HTR4: variants seen among roughly 807,000 people sequenced by gnomAD.
HTR4 encodes the protein 5-hydroxytryptamine receptor 4, also known as 5-hydroxytryptamine (serotonin) receptor 4, G protein-coupled.
A neutral mutation model predicts 36.8 loss-of-function variants in HTR4; 16 were observed. That is an observed-to-expected ratio of 0.43 (90% CI 0.29 to 0.66). The LOEUF (loss-of-function observed/expected upper bound fraction) is 0.66. Among genes scored for constraint, HTR4 ranks in the 30% least tolerant of loss-of-function variants. HTR4 has a pLI of 0.13. For missense variants in HTR4, 438 were observed against 490.9 expected, an observed-to-expected ratio of 0.89 and a Z score of 1.02; for synonymous variants, 189 against 185.1, an observed-to-expected ratio of 1.02 and a Z score of -0.17.
At chr5:148,602,107 T>C (rs1762017142) in intron 2 of HTR4, among the ~76,000 whole-genome samples, 1 of 152,156 alleles carries the variant, frequency 6.6e-6, no homozygotes, top group Non-Finnish European at 1.5e-5. Flanking sequence ...TAAAATTTGC[T>C]AAGAGAGTAG....
Position 148,482,563 on chromosome 5 carries a change from T to C in HTR4, c.*640A>G, listed in dbSNP as rs1472853111. ...CATGTCCTGAAGAGGAGGACAGACA[T>C]TGGACATAAGGAAGAGCAAGTGGAC... On this transcript the variant is annotated 3_prime_UTR_variant, in exon 7 of 7. Coordinates refer to ENST00000377888, the MANE Select transcript of HTR4 (RefSeq NM_000870.7). 31 of 985,990 alleles carry C rather than the reference T, an allele frequency of 3.1e-5. No individual in the cohort carries two copies. The highest frequency in any genetic ancestry group is 3.4e-5 in the Non-Finnish European group (28 of 830,482). The allele number at this position is 985,990 out of a possible 1,614,324, so 61.1% of individuals were successfully genotyped here.
chr5:148,633,098 G>C (rs1247338338), intron 2 of HTR4, among the ~76,000 whole-genome samples: 1 of 152,068 alleles, frequency 6.6e-6, no homozygotes, highest in Non-Finnish European at 1.5e-5. Context: ...AGATTGTCTG[G>C]AAAGAGCTGC....
intron 5 of HTR4, among the ~76,000 whole-genome samples, chr5:148,518,606 C>T (rs1204059944): frequency 6.6e-6 from 1 of 151,970 alleles, no homozygotes; most frequent in Non-Finnish European, 1.5e-5. Context: ...AATGTCATTC[C>T]TCTCACCCAA....
chr5:148,568,045 T>C (rs1215232942), intron 2 of HTR4, among the ~76,000 whole-genome samples: 1 of 152,196 alleles, frequency 6.6e-6, no homozygotes, highest in African/African-American at 2.4e-5. Context: ...TACTACAACA[T>C]GTGATTATTT....
At chr5:148,591,052 G>A (rs1320277358) in intron 2 of HTR4, among the ~76,000 whole-genome samples, 3 of 152,170 alleles carry the variant, frequency 2.0e-5, no homozygotes, top group Admixed American at 6.5e-5. Flanking sequence ...CGTATGGCTA[G>A]CCAGTTATTC....
downstream of HTR4, among the ~76,000 whole-genome samples, chr5:148,474,195 T>C (rs1414636879): frequency 6.6e-6 from 1 of 152,176 alleles, no homozygotes; most frequent in Non-Finnish European, 1.5e-5. Flanking sequence ...GCCTTTTCAC[T>C]TGAAGTTACA....
At chr5:148,497,998 T>C (rs1756762321) in intron 6 of HTR4, among the ~76,000 whole-genome samples, 1 of 152,242 alleles carries the variant, frequency 6.6e-6, no homozygotes, top group Non-Finnish European at 1.5e-5. Flanking sequence ...AAGACACTTC[T>C]TGTCCAACAG....
At chr5:148,452,639 C>A (rs1289365344) in intron 5 of HTR4, among the ~76,000 whole-genome samples, 1 of 152,132 alleles carries the variant, frequency 6.6e-6, no homozygotes, top group African/African-American at 2.4e-5. Flanking sequence ...TGGCTAGAAG[C>A]AGGTGTTGAT....
At chr5:148,529,642 T>C (rs1159260244) in intron 4 of HTR4, among the ~76,000 whole-genome samples, 2 of 152,152 alleles carry the variant, frequency 1.3e-5, no homozygotes, top group Admixed American at 1.3e-4. Flanking sequence ...AGTAAATTGG[T>C]ACCAGGAGTG....
chr5:148,594,351 C>CGT (rs59165561), intron 2 of HTR4, among the ~76,000 whole-genome samples: 7,364 of 148,592 alleles, frequency 0.05, 349 homozygotes, highest in East Asian at 0.15. Flanking sequence ...TTCTGGGTTT[C>CGT]GTGTGTGTGT....
At chr5:148,551,497 TG>T (rs1475737532) in intron 2 of HTR4, among the ~76,000 whole-genome samples, 1 of 152,254 alleles carries the variant, frequency 6.6e-6, no homozygotes, top group Non-Finnish European at 1.5e-5. Flanking sequence ...CTCAGCATTT[TG>T]TTTTATTAAC....
At chr5:148,515,966 G>A (rs1247747888) in intron 5 of HTR4, among the ~76,000 whole-genome samples, 1 of 147,264 alleles carries the variant, frequency 6.8e-6, no homozygotes, top group African/African-American at 2.5e-5. Context: ...GAACTTTTTT[G>A]TATTATATAT....
At chr5:148,526,617 C>A (rs902402433) in intron 4 of HTR4, among the ~76,000 whole-genome samples, 4 of 152,142 alleles carry the variant, frequency 2.6e-5, no homozygotes, top group South Asian at 4.2e-4. Flanking sequence ...AGGTATGGAA[C>A]CTACCTAAGC....
chr5:148,626,393 A>C (rs1195163640), intron 2 of HTR4, among the ~76,000 whole-genome samples: 1 of 152,230 alleles, frequency 6.6e-6, no homozygotes, highest in Non-Finnish European at 1.5e-5. Context: ...ACACTAACTC[A>C]ATGCACTATT....
chr5:148,490,818 A>T, intron 6 of HTR4: 6 of 731,438 alleles, frequency 8.2e-6, no homozygotes, highest in Non-Finnish European at 1.3e-5. Context: ...TATGCAGAAG[A>T]AGTCGAATTC....
At chr5:148,636,885 T>C (rs1753559870) in intron 2 of HTR4, 104 bp downstream of exon 2, 1 of 693,686 alleles carries the variant, frequency 1.4e-6, no homozygotes. Flanking sequence ...TCAAAGAAAA[T>C]CCACATCCAT....
chr5:148,539,531 T>C (rs1268031054), intron 4 of HTR4, among the ~76,000 whole-genome samples: 1 of 151,644 alleles, frequency 6.6e-6, no homozygotes, highest in Admixed American at 6.6e-5. Flanking sequence ...AATAAAAAAG[T>C]CAAACAACCC....
chr5:148,509,186 A>T, intron 6 of HTR4: 1 of 372,242 alleles, frequency 2.7e-6, no homozygotes, highest in Non-Finnish European at 4.8e-6. Context: ...TTAAGTTTTT[A>T]AAAAATGAAA....
chr5:148,506,866 A>G lies in HTR4; in HGVS notation c.1076+2590T>C, dbSNP rs1417665394. On this transcript the variant is annotated intron_variant, in intron 6 of 6. Coordinates refer to ENST00000377888, the MANE Select transcript of HTR4 (RefSeq NM_000870.7). ...TTAGAATGGCAATCATTAAAAAGTC[A>G]GGAAACAACAGGTGCTGGAGAGGAT... Among the ~76,000 whole-genome samples, 8 of 152,188 alleles carry G rather than the reference A, an allele frequency of 5.3e-5. No homozygotes were observed. In the East Asian group the frequency reaches 1.4e-3, roughly 26 times the overall value.
Sources: allele counts gnomAD v4.1 joint callset (sites outside exome capture counted in the v4.1 genomes callset), GRCh38; gene constraint gnomAD v4.1.1; transcripts MANE v1.5; gene names NCBI Gene and HGNC (gene_info 2026-07-23, HGNC 2026-07-21).